The following SIRT5 variants were observed in gnomAD, a reference collection of about 807,000 sequenced individuals.
The protein encoded by SIRT5 is NAD-dependent protein deacylase sirtuin-5, mitochondrial.
SIRT5 carries 26 observed loss-of-function variants against 40.0 expected under a neutral mutation model. That is an observed-to-expected ratio of 0.65 (90% confidence interval 0.48 to 0.90). SIRT5 has a LOEUF of 0.90. SIRT5 is among the 40% of genes least tolerant of loss of function. SIRT5 has a pLI of 0.00. For synonymous variants in SIRT5, 146 were observed against 149.1 expected (o/e 0.98, Z 0.15); for missense variants, 401 against 402.4 (o/e 1.00, Z 0.03).
intron 9 of SIRT5, chr6:13,604,524 G>T (rs1762843716): frequency 2.5e-6 from 4 of 1,579,626 alleles, no homozygotes; most frequent in Non-Finnish European, 3.4e-6. Flanking sequence ...ATTAAAACAA[G>T]TCATCATTGT....
chr6:13,575,134 G>C (rs995724357), intron 1 of SIRT5, among the ~76,000 whole-genome samples: 15 of 152,172 alleles, frequency 9.9e-5, no homozygotes, highest in Non-Finnish European at 2.1e-4. Flanking sequence ...GGCGGCTTGA[G>C]GACGGCTCTG....
chr6:13,586,427 G>A (rs189607010), intron 3 of SIRT5, among the ~76,000 whole-genome samples: 3 of 152,256 alleles, frequency 2.0e-5, no homozygotes, highest in Admixed American at 2.0e-4. Flanking sequence ...TGTCTAAGGT[G>A]TAAGGAAGGG....
At position 13,591,849 on chromosome 6, in the gene SIRT5, GA is replaced by G; in HGVS notation, c.431del (p.Glu144GlyfsTer103). The G allele has an allele frequency of 6.2e-7, 1 of 1,614,074 alleles. No homozygotes were observed. Among genetic ancestry groups the G allele is most frequent in the Non-Finnish European group, 8.5e-7 (1 of 1,179,940 alleles). ...RVVVITQNID[E>X]LHRKAGTKNL... Reference sequence around the variant, plus strand: ...CGTGGTCATCACCCAGAACATCGATGAGCTGCACCGCAAGGCTGGCACCAAG... The same window carrying G: ...CGTGGTCATCACCCAGAACATCGATGGCTGCACCGCAAGGCTGGCACCAAG... On this transcript the variant is annotated frameshift_variant, in exon 5 of 10. Coordinates refer to ENST00000606117, the MANE Select transcript of SIRT5 (RefSeq NM_012241.5). LOFTEE classifies it high-confidence loss of function.
chr6:13,611,766 C>CT, intron 9 of SIRT5, 24 bp from the exon 10 acceptor site: 1 of 1,558,022 alleles, frequency 6.4e-7, no homozygotes. Flanking sequence ...TTCAAAACTG[C>CT]TGTATTTGCT....
intron 9 of SIRT5, among the ~76,000 whole-genome samples, chr6:13,602,076 T>C (rs959785443): frequency 6.6e-6 from 1 of 152,100 alleles, no homozygotes; most frequent in East Asian, 1.9e-4. Flanking sequence ...CAGAACATTA[T>C]TGAAAGAAAT....
intron 9 of SIRT5, among the ~76,000 whole-genome samples, chr6:13,610,544 T>C (rs1213921523): frequency 1.3e-5 from 2 of 152,180 alleles, no homozygotes; most frequent in African/African-American, 2.4e-5. Flanking sequence ...TGAGGTATCA[T>C]TGTAAAATTT....
intron 1 of SIRT5, among the ~76,000 whole-genome samples, chr6:13,575,923 T>G (rs1399699591): frequency 6.6e-6 from 1 of 152,234 alleles, no homozygotes; most frequent in Non-Finnish European, 1.5e-5. Context: ...CTTCTGTGCC[T>G]GGCTTATTTT....
In SIRT5 at chr6:13,599,099, C is replaced by T. The variant is rs201467255; in HGVS notation, c.685C>T (p.Pro229Ser). Residue 229 changes from proline (P) to serine (S), a missense_variant, in exon 8 of 10, where the codon CCT becomes TCT. Coordinates refer to ENST00000606117, the MANE Select transcript of SIRT5 (RefSeq NM_012241.5). ...HVVWFGENLD[P>S]AILEEVDREL... ...CGTGTGGTTTGGAGAAAACCTGGAT[C>T]CTGCCATTCTGGAGGAGGTTGACAG... is the stretch of plus-strand genomic sequence containing the variant. The T allele has an allele frequency of 1.8e-4, 297 of 1,613,974 alleles. No individual in the cohort carries two copies. The highest frequency in any genetic ancestry group is 2.4e-4 in the Non-Finnish European group (287 of 1,179,980).
chr6:13,579,448 C>T lies in SIRT5; in HGVS notation c.-194-3C>T, dbSNP rs961274154. The T allele has an allele frequency of 1.3e-5, 2 of 151,964 alleles. No individual in the cohort carries two copies. Among genetic ancestry groups the T allele is most frequent in the Non-Finnish European group, 2.9e-5 (2 of 68,000 alleles). The allele number at this position is 151,964 out of a possible 1,614,324, so 9.4% of individuals were successfully genotyped here. A position where few individuals can be genotyped will look rare whatever the true frequency, so the allele number is the denominator to read the frequency against. ...TCAGTAGTTTTTTTGAATTCTTTTA[C>T]AGTAAATGGAAATGTTTTCTAACAT... On this transcript the variant is annotated splice_polypyrimidine_tract_variant and splice_region_variant and intron_variant, in intron 1 of 9. Coordinates refer to ENST00000606117, the MANE Select transcript of SIRT5 (RefSeq NM_012241.5).
chr6:13,580,646 TTTCTCCC>T (rs1236828713), intron 2 of SIRT5, among the ~76,000 whole-genome samples: 1 of 152,140 alleles, frequency 6.6e-6, no homozygotes, highest in African/African-American at 2.4e-5. Flanking sequence ...TCTTTCTCTC[TTTCTCCC>T]TCACTCTCGC....
intron 9 of SIRT5, among the ~76,000 whole-genome samples, chr6:13,601,620 A>G (rs796692002): frequency 5.3e-5 from 8 of 152,282 alleles, no homozygotes; most frequent in African/African-American, 1.9e-4. Context: ...AATGAATAAA[A>G]TAGAAAACTT....
chr6:13,599,132 G>T lies in SIRT5; in HGVS notation c.718G>T (p.Ala240Ser), dbSNP rs770959658. 2 of 1,613,854 alleles carry T rather than the reference G, an allele frequency of 1.2e-6. No homozygotes were observed. Among genetic ancestry groups the T allele is most frequent in the Middle Eastern group, 1.6e-4 (1 of 6,062 alleles). The change falls in exon 8 of 10, where the codon GCC becomes TCC. Residue 240 changes from alanine to serine, a missense_variant. Ala to Ser is a moderately conservative substitution (Grantham distance 99). Coordinates refer to ENST00000606117, the MANE Select transcript of SIRT5 (RefSeq NM_012241.5). Reference protein sequence around the residue: ...AILEEVDRELAHCDLCLVVGT... With the variant: ...AILEEVDRELSHCDLCLVVGT... ...TCTGGAGGAGGTTGACAGAGAGCTCGCCCACTGTGATTTATGTCTAGTGGT... is the reference window on the plus strand; with the variant it reads ...TCTGGAGGAGGTTGACAGAGAGCTCTCCCACTGTGATTTATGTCTAGTGGT...
At chr6:13,586,122 A>C (rs934752540) in intron 3 of SIRT5, among the ~76,000 whole-genome samples, 19 of 152,074 alleles carry the variant, frequency 1.2e-4, no homozygotes, top group Non-Finnish European at 2.4e-4. Context: ...TGTTTAAGTT[A>C]TTTGTAGATT....
chr6:13,613,055 G>A lies in SIRT5; in HGVS notation c.*1190G>A, dbSNP rs1434046009. ...AAGAAGAGACCTGGAGCTAGTGAAG[G>A]AAACATAGGGTTTATTTGGGGAACC... On this transcript the variant is annotated 3_prime_UTR_variant, in exon 10 of 10. Coordinates refer to ENST00000606117, the MANE Select transcript of SIRT5 (RefSeq NM_012241.5). 3.3e-5 allele frequency: 5 copies of A among 152,462 alleles called. No individual in the cohort carries two copies. The highest frequency in any genetic ancestry group is 1.2e-4 in the African/African-American group (5 of 41,454). The allele number at this position is 152,462 out of a possible 1,614,324, so 9.4% of individuals were successfully genotyped here.
chr6:13,610,085 G>C (rs765923168), intron 9 of SIRT5, among the ~76,000 whole-genome samples: 1 of 152,110 alleles, frequency 6.6e-6, no homozygotes, highest in Non-Finnish European at 1.5e-5. Context: ...TCTCGCCTCA[G>C]CTTCCGGAGT....
At chr6:13,586,570 G>A (rs1760109500) in intron 3 of SIRT5, among the ~76,000 whole-genome samples, 1 of 152,136 alleles carries the variant, frequency 6.6e-6, no homozygotes, top group Non-Finnish European at 1.5e-5. Context: ...TGTTATTTCT[G>A]AGGCCTCTGT....
In SIRT5 at chr6:13,599,051, G is replaced by C. The variant is rs201782430; in HGVS notation, c.637G>C (p.Gly213Arg). 19 of 1,613,848 alleles carry C rather than the reference G, an allele frequency of 1.2e-5. No individual in the cohort carries two copies. The highest frequency in any genetic ancestry group is 1.5e-5 in the Non-Finnish European group (18 of 1,179,964). Residue 213 changes from glycine (G) to arginine (R), a missense_variant, in exon 8 of 10, where the codon GGG (glycine) becomes CGG (arginine). Physicochemically the swap from Gly to Arg is moderately radical, Grantham distance 125. Coordinates refer to ENST00000606117, the MANE Select transcript of SIRT5 (RefSeq NM_012241.5). ...KLPRCEEAGC[G>R]GLLRPHVVWF... is the part of the protein sequence containing the mutation. Reference sequence around the variant, plus strand: ...TTCCAGGTGTGAAGAGGCAGGCTGCGGGGGCTTGCTGCGACCTCACGTCGT... The same window carrying C: ...TTCCAGGTGTGAAGAGGCAGGCTGCCGGGGCTTGCTGCGACCTCACGTCGT...
At chr6:13,587,569 C>T (rs764188475) in intron 3 of SIRT5, among the ~76,000 whole-genome samples, 3 of 152,232 alleles carry the variant, frequency 2.0e-5, no homozygotes, top group Non-Finnish European at 4.4e-5. Context: ...GGAGCCCTCA[C>T]CACCATAGCT....
chr6:13,605,768 CA>C, intron 9 of SIRT5: 1 of 985,436 alleles, frequency 1.0e-6, no homozygotes, highest in Non-Finnish European at 1.2e-6. Flanking sequence ...TACTCAACCC[CA>C]GGGGGCCTTG....
Sources: gnomAD v4.1 joint callset for allele counts (sites outside exome capture counted in the v4.1 genomes callset) on GRCh38, gnomAD v4.1.1 for gene constraint, MANE v1.5 for transcripts, NCBI Gene and HGNC (gene_info 2026-07-23, HGNC 2026-07-21) for gene names.